Variants in ANXA10 observed in about 807,000 individuals in gnomAD.
ANXA10 encodes annexin 14.
ANXA10 carries 49 observed loss-of-function variants against 53.5 expected under a neutral mutation model. The observed-to-expected ratio is 0.92, with a 90% CI of 0.73 to 1.16. The LOEUF is 1.16. ANXA10 is among the 50% of genes most tolerant of loss of function. ANXA10 has a pLI of 0.00. For missense variants in ANXA10, 393 were observed against 394.4 expected, an observed-to-expected ratio of 1.00 and a Z score of 0.03; for synonymous variants, 131 against 128.9, an observed-to-expected ratio of 1.02 and a Z score of -0.11.
chr4:168,109,115 T>C (rs1730761286), intron 1 of ANXA10, among the ~76,000 whole-genome samples: 1 of 152,196 alleles, frequency 6.6e-6, no homozygotes, highest in Admixed American at 6.5e-5. Context: ...AATTTTAAAA[T>C]CTTGTTATGG....
intron 1 of ANXA10, among the ~76,000 whole-genome samples, chr4:168,111,639 G>T (rs1730808223): frequency 6.6e-6 from 1 of 152,054 alleles, no homozygotes; most frequent in African/African-American, 2.4e-5. Context: ...CACTTACCTT[G>T]CCTGATACAC....
chr4:168,156,076 ATATTATATATAATATT>A (rs1731653010), intron 3 of ANXA10, among the ~76,000 whole-genome samples: 2 of 70,530 alleles, frequency 2.8e-5, no homozygotes, highest in African/African-American at 5.8e-5. Flanking sequence ...TATATTATAT[ATATTATATATAATATT>A]TATTATATAT....
At chr4:168,183,024 A>G (rs866437475) in intron 10 of ANXA10, among the ~76,000 whole-genome samples, 38 of 149,274 alleles carry the variant, frequency 2.5e-4, no homozygotes, top group African/African-American at 6.8e-4. Flanking sequence ...AAAAAAAAAA[A>G]AAAAAGAAAA....
At chr4:168,173,352 T>G (rs1020071786) in intron 6 of ANXA10, among the ~76,000 whole-genome samples, 33 of 152,208 alleles carry the variant, frequency 2.2e-4, no homozygotes, top group African/African-American at 8.0e-4. Flanking sequence ...GGTAAGATTA[T>G]GTCAAATCCT....
intron 1 of ANXA10, among the ~76,000 whole-genome samples, chr4:168,108,680 C>A (rs181472459): frequency 6.6e-6 from 1 of 152,116 alleles, no homozygotes; most frequent in Non-Finnish European, 1.5e-5. Context: ...ACTCTGGGAG[C>A]GCAACAAATT....
In ANXA10 at chr4:168,143,682, T is replaced by C. The variant is rs957494736; in HGVS notation, c.195+4102T>C. 4.8e-4 allele frequency among the ~76,000 whole-genome samples: 73 copies of C among 152,220 alleles called. 1 individual carries two copies. Among genetic ancestry groups the C allele is most frequent in the African/African-American group, 1.8e-3 (73 of 41,460 alleles). On this transcript the variant is annotated intron_variant, in intron 3 of 11. Coordinates refer to ENST00000359299, the MANE Select transcript of ANXA10 (RefSeq NM_007193.5). Reference sequence around the variant, plus strand: ...TTCTTGGAGAAGTTCAAATTCAGCATTGATGCAATTAATTTTCTCATTTTT... The same window carrying C: ...TTCTTGGAGAAGTTCAAATTCAGCACTGATGCAATTAATTTTCTCATTTTT...
chr4:168,161,185 A>C (rs1385521995), intron 3 of ANXA10, among the ~76,000 whole-genome samples: 2 of 151,902 alleles, frequency 1.3e-5, no homozygotes. Flanking sequence ...GGTTTTTTAT[A>C]GTTTTGGGTT....
intron 6 of ANXA10, among the ~76,000 whole-genome samples, chr4:168,173,665 C>T (rs960305889): frequency 1.3e-5 from 2 of 152,154 alleles, no homozygotes; most frequent in African/African-American, 4.8e-5. Context: ...TTTAGGCAGA[C>T]AGGGATGGTA....
chr4:168,182,915 C>G (rs1732283975), intron 10 of ANXA10, among the ~76,000 whole-genome samples: 1 of 146,628 alleles, frequency 6.8e-6, no homozygotes, highest in Non-Finnish European at 1.5e-5. Context: ...GAGGCTGAGG[C>G]AGGAGAATGG....
chr4:168,109,654 C>G (rs1730772175), intron 1 of ANXA10, among the ~76,000 whole-genome samples: 1 of 152,160 alleles, frequency 6.6e-6, no homozygotes, highest in East Asian at 1.9e-4. Context: ...AAAGAGCTGA[C>G]AGATGAATCT....
rs199966252 is a variant in ANXA10, at chr4:168,170,240, T to TA, written c.480+4917dup. ...AACAGGATGAACTATTACTTTTTTT[T>TA]AAAGATAACATCAACTTGAATTTTT... On this transcript the variant is annotated intron_variant, in intron 6 of 11. Coordinates refer to ENST00000359299, the MANE Select transcript of ANXA10 (RefSeq NM_007193.5). Among the ~76,000 whole-genome samples the TA allele has an allele frequency of 4.6e-5, 7 of 152,224 alleles. No homozygotes were observed. The East Asian group carries it at 9.6e-4, about 21-fold the overall frequency.
intron 3 of ANXA10, among the ~76,000 whole-genome samples, chr4:168,162,262 G>A (rs1319504241): frequency 1.3e-5 from 2 of 152,070 alleles, no homozygotes; most frequent in Non-Finnish European, 2.9e-5. Flanking sequence ...AAGAGGAGTT[G>A]GAGTTTAGGG....
chr4:168,153,422 CAAAAAAAAA>C (rs61179704), intron 3 of ANXA10, among the ~76,000 whole-genome samples: 1 of 43,506 alleles, frequency 2.3e-5, no homozygotes. Flanking sequence ...AAGCCTAAAG[CAAAAAAAAA>C]AAAAAAAAAA....
At chr4:168,143,363 G>T (rs1731355151) in intron 3 of ANXA10, among the ~76,000 whole-genome samples, 1 of 152,162 alleles carries the variant, frequency 6.6e-6, no homozygotes, top group African/African-American at 2.4e-5. Flanking sequence ...TTTCTTAGCT[G>T]CTGAGTGAAG....
intron 1 of ANXA10, among the ~76,000 whole-genome samples, chr4:168,101,064 G>T (rs575422567): frequency 1.9e-4 from 29 of 152,046 alleles, no homozygotes; most frequent in Non-Finnish European, 3.2e-4. Context: ...GGGGCCTGGT[G>T]GGAGGTGATT....
At chr4:168,157,888 A>C (rs1731716887) in intron 3 of ANXA10, among the ~76,000 whole-genome samples, 1 of 152,144 alleles carries the variant, frequency 6.6e-6, no homozygotes, top group Non-Finnish European at 1.5e-5. Context: ...ATTTGGGATT[A>C]TTATGAATAA....
At chr4:168,133,407 G>GA (rs1000949457) in intron 2 of ANXA10, among the ~76,000 whole-genome samples, 3 of 152,076 alleles carry the variant, frequency 2.0e-5, no homozygotes, top group South Asian at 2.1e-4. Flanking sequence ...TGGAAAAGAT[G>GA]AAAAAATGGC....
chr4:168,165,720 A>G (rs1358239369), intron 6 of ANXA10, among the ~76,000 whole-genome samples: 1 of 152,140 alleles, frequency 6.6e-6, no homozygotes, highest in African/African-American at 2.4e-5. Flanking sequence ...TCTATCACCC[A>G]GGCTGGAGTG....
chr4:168,163,604 T>C (rs1731822447), intron 4 of ANXA10, among the ~76,000 whole-genome samples: 1 of 152,176 alleles, frequency 6.6e-6, no homozygotes, highest in Admixed American at 6.5e-5. Context: ...ACAAGTGTGT[T>C]TTATCAATAA....
Sources: allele counts gnomAD v4.1 joint callset (sites outside exome capture counted in the v4.1 genomes callset), GRCh38; gene constraint gnomAD v4.1.1; transcripts MANE v1.5; gene names NCBI Gene and HGNC (gene_info 2026-07-23, HGNC 2026-07-21).